CPQ: variants seen among roughly 807,000 people sequenced by gnomAD.
The protein encoded by CPQ is carboxypeptidase Q.
Under a neutral mutation model 45.7 loss-of-function variants are expected in CPQ, and 37 were observed. That is an observed-to-expected ratio of 0.81 (90% confidence interval 0.62 to 1.07). The LOEUF is 1.07. Ranked by LOEUF, CPQ falls within the 50% of genes least tolerant of loss-of-function variation. The probability of loss-of-function intolerance (pLI) is 0.00; values close to 1 mark genes in which losing one functional copy is unlikely to be tolerated. For missense variants in CPQ, 537 were observed against 572.9 expected, an observed-to-expected ratio of 0.94 and a Z score of 0.64; for synonymous variants, 186 against 205.8, an observed-to-expected ratio of 0.90 and a Z score of 0.82.
intron 6 of CPQ, among the ~76,000 whole-genome samples, chr8:97,041,392 A>C (rs1269080396): frequency 6.6e-6 from 1 of 152,036 alleles, no homozygotes; most frequent in Non-Finnish European, 1.5e-5. Context: ...GGGCTGAGAC[A>C]ATGGGGTTTT....
intron 6 of CPQ, among the ~76,000 whole-genome samples, chr8:97,037,851 T>C (rs1039355015): frequency 6.6e-6 from 1 of 152,212 alleles, no homozygotes; most frequent in African/African-American, 2.4e-5. Flanking sequence ...TCCCCTTTGA[T>C]ACTAGGAGAA....
intron 7 of CPQ, among the ~76,000 whole-genome samples, chr8:97,129,030 T>G (rs1811893598): frequency 6.6e-6 from 1 of 152,152 alleles, no homozygotes; most frequent in Admixed American, 6.5e-5. Flanking sequence ...GATTCACCCC[T>G]AAACCAGCAG....
chr8:96,818,607 G>T (rs1177288661), intron 2 of CPQ, among the ~76,000 whole-genome samples: 4 of 152,114 alleles, frequency 2.6e-5, no homozygotes, highest in African/African-American at 7.2e-5. Flanking sequence ...CTACCCATTT[G>T]CCTGTTTTGG....
intron 5 of CPQ, among the ~76,000 whole-genome samples, chr8:96,997,394 C>G (rs1385502083): frequency 6.6e-6 from 1 of 151,952 alleles, no homozygotes; most frequent in Non-Finnish European, 1.5e-5. Flanking sequence ...GACTGTGTAA[C>G]ATAGCCTATT....
In CPQ at chr8:96,687,477, G is replaced by A. The variant is rs1435044558; in HGVS notation, c.-35+42075G>A. On this transcript the variant is annotated intron_variant, in intron 1 of 7. Transcript: ENST00000220763. ...GCCTGCCTCGGCCTCCCAAAGTGCT[G>A]GGATTACAGGTGTGAGCCACTGCAC... is the stretch of plus-strand genomic sequence containing the variant. 5.9e-5 allele frequency among the ~76,000 whole-genome samples: 9 copies of A among 152,172 alleles called. No homozygotes were observed. The East Asian group carries it at 1.7e-3, about 29-fold the overall frequency.
At position 96,805,462 on chromosome 8, in the gene CPQ, A is replaced by T. The variant is rs143284058; in HGVS notation, c.433+20132A>T. Among the ~76,000 whole-genome samples, 347 of 152,312 alleles carry T rather than the reference A, an allele frequency of 2.3e-3. 4 individuals are homozygous for T. Among genetic ancestry groups the T allele is most frequent in the African/African-American group, 8.2e-3 (339 of 41,566 alleles). Reference sequence around the variant, plus strand: ...AGGCTCTGTTTTATTTTCTGCAAAAAGGGAATAATACTAGTGTCTACTTCA... The same window carrying T: ...AGGCTCTGTTTTATTTTCTGCAAAATGGGAATAATACTAGTGTCTACTTCA... On this transcript the variant is annotated intron_variant, in intron 2 of 7. Transcript: ENST00000220763.
chr8:96,845,274 A>G (rs1306366498), intron 3 of CPQ, among the ~76,000 whole-genome samples: 2 of 152,168 alleles, frequency 1.3e-5, no homozygotes, highest in African/African-American at 4.8e-5. Context: ...TCTAGTTTTC[A>G]GCATGTACTT....
chr8:96,702,411 A>G (rs1476929296), intron 1 of CPQ, among the ~76,000 whole-genome samples: 1 of 152,204 alleles, frequency 6.6e-6, no homozygotes, highest in African/African-American at 2.4e-5. Flanking sequence ...AGAATAAGAG[A>G]GAGAAAGGTG....
At chr8:96,652,284 G>A (rs1815585573) in intron 1 of CPQ, among the ~76,000 whole-genome samples, 1 of 152,178 alleles carries the variant, frequency 6.6e-6, no homozygotes, top group African/African-American at 2.4e-5. Context: ...CTTCATCCAT[G>A]TTGTCACAAA....
At chr8:96,935,264 G>T (rs574758069) in intron 4 of CPQ, among the ~76,000 whole-genome samples, 1 of 152,112 alleles carries the variant, frequency 6.6e-6, no homozygotes, top group Admixed American at 6.6e-5. Context: ...GGCAACAGGC[G>T]TATATCCTAC....
At chr8:96,980,569 A>G (rs1313225392) in intron 5 of CPQ, among the ~76,000 whole-genome samples, 2 of 152,248 alleles carry the variant, frequency 1.3e-5, no homozygotes, top group African/African-American at 4.8e-5. Context: ...AGTAACTATT[A>G]TTATCAGATT....
intron 1 of CPQ, among the ~76,000 whole-genome samples, chr8:96,650,874 A>G (rs1279680557): frequency 1.3e-5 from 2 of 152,342 alleles, no homozygotes; most frequent in East Asian, 3.8e-4. Context: ...CACAATATCC[A>G]AAGTGTTATG....
At chr8:96,823,528 T>C (rs539705981) in intron 2 of CPQ, among the ~76,000 whole-genome samples, 94 of 152,148 alleles carry the variant, frequency 6.2e-4, no homozygotes, top group African/African-American at 2.1e-3. Context: ...CTATGATGGA[T>C]ATTTTTTCTG....
intron 1 of CPQ, among the ~76,000 whole-genome samples, chr8:96,684,838 C>T (rs931953411): frequency 8.6e-5 from 13 of 151,880 alleles, no homozygotes; most frequent in East Asian, 5.8e-4. Flanking sequence ...TGGTGGCTCA[C>T]GCCTGTCTCC....
intron 4 of CPQ, among the ~76,000 whole-genome samples, chr8:96,925,938 T>C (rs1379765379): frequency 6.6e-5 from 10 of 152,090 alleles, no homozygotes; most frequent in Admixed American, 6.5e-4. Flanking sequence ...TCTGCCCGCC[T>C]TGGCCTCCCA....
At chr8:96,963,411 T>G (rs1813496698) in intron 4 of CPQ, among the ~76,000 whole-genome samples, 1 of 152,204 alleles carries the variant, frequency 6.6e-6, no homozygotes, top group African/African-American at 2.4e-5. Flanking sequence ...GTTCATTACA[T>G]AGCCATTTGT....
intron 2 of CPQ, among the ~76,000 whole-genome samples, chr8:96,808,289 A>G (rs1319583171): frequency 6.6e-6 from 1 of 152,208 alleles, no homozygotes; most frequent in Non-Finnish European, 1.5e-5. Context: ...AATTCATGAA[A>G]TAGTGACGTG....
intron 3 of CPQ, among the ~76,000 whole-genome samples, chr8:96,863,539 T>C (rs1206251975): frequency 6.6e-6 from 1 of 151,888 alleles, no homozygotes; most frequent in Non-Finnish European, 1.5e-5. Flanking sequence ...GAAGAAGAGT[T>C]GAGGCTGAAT....
chr8:96,895,955 G>A (rs963343498), intron 4 of CPQ, among the ~76,000 whole-genome samples: 3 of 152,102 alleles, frequency 2.0e-5, no homozygotes, highest in African/African-American at 4.8e-5. Flanking sequence ...AGATTTGGAA[G>A]TAGCTCTCTC....
Sources: allele counts gnomAD v4.1 joint callset (sites outside exome capture counted in the v4.1 genomes callset), GRCh38; gene constraint gnomAD v4.1.1; transcripts MANE v1.5; gene names NCBI Gene and HGNC (gene_info 2026-07-23, HGNC 2026-07-21).